Variants in LPIN2 observed in about 807,000 individuals in gnomAD.
LPIN2 encodes phosphatidate phosphatase LPIN2.
LPIN2 carries 55 observed loss-of-function variants against 111.4 expected under a neutral mutation model. The observed-to-expected ratio is 0.49, with a 90% confidence interval of 0.40 to 0.62. The LOEUF (loss-of-function observed/expected upper bound fraction) is 0.62, where lower values mean the gene tolerates loss of function less well. LPIN2 is among the 20% of genes least tolerant of loss of function. LPIN2 has a pLI of 0.00. For missense variants in LPIN2, 992 were observed against 1,112.1 expected, an observed-to-expected ratio of 0.89 and a Z score of 1.54; for synonymous variants, 425 against 414.0, an observed-to-expected ratio of 1.03 and a Z score of -0.32.
chr18:3,003,908 T>C (rs1468373033), intron 1 of LPIN2, among the ~76,000 whole-genome samples: 1 of 152,200 alleles, frequency 6.6e-6, no homozygotes, highest in Non-Finnish European at 1.5e-5. Context: ...GTAGGAGAGA[T>C]ATCGCTGAAT....
intron 4 of LPIN2, chr18:2,945,777 C>T (rs181496250): frequency 1.2e-5 from 15 of 1,260,604 alleles, no homozygotes; most frequent in East Asian, 2.3e-5. Flanking sequence ...TGCTTCTACT[C>T]GACTAAGTTC....
chr18:2,968,739 G>A (rs920321403), intron 1 of LPIN2, among the ~76,000 whole-genome samples: 1 of 152,180 alleles, frequency 6.6e-6, no homozygotes, highest in Non-Finnish European at 1.5e-5. Context: ...AAGTTTGAGG[G>A]ACAAGAGTGA....
At chr18:2,940,795 A>G in intron 4 of LPIN2, 83 bp from the exon 5 acceptor site, 1 of 786,148 alleles carries the variant, frequency 1.3e-6, no homozygotes. Context: ...CTGATACTAC[A>G]AACAATCAAA....
At chr18:2,929,459 C>CA (rs2077183814) in intron 9 of LPIN2, among the ~76,000 whole-genome samples, 1 of 152,014 alleles carries the variant, frequency 6.6e-6, no homozygotes, top group Non-Finnish European at 1.5e-5. Context: ...GGACGGAAGA[C>CA]AGACACAGAA....
Position 2,920,800 on chromosome 18 carries a change from T to G in LPIN2, c.2524A>C (p.Arg842=). 2.5e-6 allele frequency: 4 copies of G among 1,614,130 alleles called. No homozygotes were observed. The South Asian group carries it at 3.3e-5, about 13-fold the overall frequency. Reference sequence around the variant, plus strand: ...TACGATGACTTGTTTCCTTTGGTTCTTTCTTGTATTAATTCACCCTTGGGG... The same window carrying G: ...TACGATGACTTGTTTCCTTTGGTTCGTTCTTGTATTAATTCACCCTTGGGG... The part of the protein sequence containing the change: ...VNPKGELIQE[R]TKGNKSSYHR... Residue 842 remains arginine, a synonymous_variant, in exon 19 of 20, where the codon AGA becomes CGA. Coordinates refer to ENST00000677752, the MANE Select transcript of LPIN2 (RefSeq NM_001375808.2).
At chr18:2,928,432 T>G (rs2077167480) in intron 11 of LPIN2, among the ~76,000 whole-genome samples, 159 bp downstream of exon 11, 1 of 152,188 alleles carries the variant, frequency 6.6e-6, no homozygotes, top group African/African-American at 2.4e-5. Flanking sequence ...CATGAGATAT[T>G]TTTAGTGGGT....
At chr18:2,929,274 A>G (rs1257666386) in intron 9 of LPIN2, 116 bp from the exon 10 acceptor site, 2 of 735,416 alleles carry the variant, frequency 2.7e-6, no homozygotes, top group Admixed American at 2.4e-5. Flanking sequence ...TAAAAAAACT[A>G]ATTTTTGAAT....
intron 1 of LPIN2, among the ~76,000 whole-genome samples, chr18:2,984,764 A>G (rs1300066863): frequency 6.6e-6 from 1 of 152,104 alleles, no homozygotes; most frequent in Non-Finnish European, 1.5e-5. Context: ...AATTAGCCCA[A>G]TGTCACTCAA....
intron 5 of LPIN2, among the ~76,000 whole-genome samples, chr18:2,940,127 A>T (rs930463247): frequency 1.3e-5 from 2 of 151,266 alleles, no homozygotes; most frequent in Non-Finnish European, 2.9e-5. Flanking sequence ...GGAGTTCAAG[A>T]ATAGCCTGGG....
chr18:2,929,956 G>A (rs1048074352), intron 9 of LPIN2, among the ~76,000 whole-genome samples: 3 of 152,028 alleles, frequency 2.0e-5, no homozygotes, highest in Admixed American at 6.6e-5. Context: ...ATTGCTTGGA[G>A]AATTAAAAAA....
chr18:3,002,351 G>A (rs1238721925), intron 1 of LPIN2, among the ~76,000 whole-genome samples: 1 of 151,334 alleles, frequency 6.6e-6, no homozygotes, highest in Non-Finnish European at 1.5e-5. Flanking sequence ...GAAAATTAGT[G>A]TCCATTCTAA....
At chr18:2,945,063 GA>G (rs1208944993) in intron 4 of LPIN2, among the ~76,000 whole-genome samples, 9 of 151,882 alleles carry the variant, frequency 5.9e-5, no homozygotes, top group African/African-American at 2.2e-4. Flanking sequence ...ATCCCACATA[GA>G]AAAAACTGCA....
intron 9 of LPIN2, among the ~76,000 whole-genome samples, chr18:2,930,645 G>T (rs1466300859): frequency 6.6e-6 from 1 of 152,150 alleles, no homozygotes; most frequent in African/African-American, 2.4e-5. Flanking sequence ...GTTTTAAAAG[G>T]AAGGTTAAAA....
In LPIN2 at chr18:2,929,093, G is replaced by C; in HGVS notation, c.1522C>G (p.Pro508Ala). The C allele has an allele frequency of 6.3e-7, 1 of 1,599,022 alleles. No individual in the cohort carries two copies. Among genetic ancestry groups the C allele is most frequent in the Non-Finnish European group, 8.6e-7 (1 of 1,166,584 alleles). Reference sequence around the variant, plus strand: ...TTATATATCCTTATTACAAGGTTAGGATTGTCTATAAGTCCAGGGTTTTCT... The same window carrying C: ...TTATATATCCTTATTACAAGGTTAGCATTGTCTATAAGTCCAGGGTTTTCT... Reference protein sequence around the residue: ...FAENPGLIDNPNLVIRIYNRY... With the variant: ...FAENPGLIDNANLVIRIYNRY... The change falls in exon 10 of 20, where the codon CCT (proline) becomes GCT (alanine). Residue 508 changes from proline to alanine, a missense_variant. Physicochemically the swap from Pro to Ala is conservative, Grantham distance 27. This residue lies in a region of LPIN2 where 709 missense variants were observed against 753.2 expected (regional missense o/e 0.94). Transcript: ENST00000677752.
At chr18:2,924,714 G>T (rs2077105048) in intron 14 of LPIN2, among the ~76,000 whole-genome samples, 168 bp from the exon 15 acceptor site, 2 of 152,124 alleles carry the variant, frequency 1.3e-5, no homozygotes, top group Admixed American at 1.3e-4. Flanking sequence ...AATGCTGAGG[G>T]AGCCACTGCC....
intron 9 of LPIN2, among the ~76,000 whole-genome samples, chr18:2,930,058 T>A (rs536715155): frequency 6.6e-6 from 1 of 152,198 alleles, no homozygotes; most frequent in Non-Finnish European, 1.5e-5. Context: ...GGGCTTCCCA[T>A]GAATTTTTGT....
Position 2,929,076 on chromosome 18 carries a change from C to A in LPIN2, c.1539G>T (p.Arg513Ser). The change falls in exon 10 of 20, where the codon AGG (arginine) becomes AGT (serine). Residue 513 changes from arginine (R) to serine (S), a missense_variant. By Grantham distance (110) the Arg-to-Ser change is moderately radical. Coordinates refer to ENST00000677752, the MANE Select transcript of LPIN2 (RefSeq NM_001375808.2). The stretch of plus-strand genomic sequence containing the variant: ...GCAGGAGTATTTACCGATTATATAT[C>A]CTTATTACAAGGTTAGGATTGTCTA... ...GLIDNPNLVI[R>S]IYNRYYNWAL... is the part of the protein sequence containing the mutation. 7 of 1,581,540 alleles carry A rather than the reference C, an allele frequency of 4.4e-6. No homozygotes were observed. Among genetic ancestry groups the A allele is most frequent in the Non-Finnish European group, 6.1e-6 (7 of 1,150,796 alleles).
intron 1 of LPIN2, among the ~76,000 whole-genome samples, chr18:3,007,461 A>G (rs1598617869): frequency 6.6e-6 from 1 of 152,234 alleles, no homozygotes; most frequent in South Asian, 2.1e-4. Context: ...GTAAGCCACC[A>G]CACCTATCCA....
intron 2 of LPIN2, among the ~76,000 whole-genome samples, chr18:2,956,223 T>G (rs1466173769): frequency 6.6e-6 from 1 of 151,924 alleles, no homozygotes; most frequent in Non-Finnish European, 1.5e-5. Flanking sequence ...AAAAAAATTA[T>G]AAATAAGGAG....
Sources: gnomAD v4.1 joint callset for allele counts (sites outside exome capture counted in the v4.1 genomes callset) on GRCh38, gnomAD v4.1.1 for gene constraint, gnomAD v4.1.1 regional missense constraint, MANE v1.5 for transcripts, NCBI Gene and HGNC (gene_info 2026-07-23, HGNC 2026-07-21) for gene names.